The following CDC42EP3 variants were observed in gnomAD, a reference collection of about 807,000 sequenced individuals.
CDC42EP3 encodes the protein CDC42 effector protein 3.
Under a neutral mutation model 15.5 loss-of-function variants are expected in CDC42EP3, and 4 were observed. The observed-to-expected ratio is 0.26, with a 90% CI of 0.13 to 0.59. The LOEUF (loss-of-function observed/expected upper bound fraction) is 0.59, where lower values mean the gene tolerates loss of function less well. CDC42EP3 is among the 20% of genes least tolerant of loss of function. The pLI is 0.89. For synonymous variants in CDC42EP3, 145 were observed against 130.3 expected (o/e 1.11, Z -0.77); for missense variants, 309 against 311.2 (o/e 0.99, Z 0.05).
At chr2:37,670,310 G>C (rs146750319) in intron 1 of CDC42EP3, among the ~76,000 whole-genome samples, 1 of 152,186 alleles carries the variant, frequency 6.6e-6, no homozygotes, top group East Asian at 1.9e-4. Context: ...TGAGAATTAA[G>C]AGCTGGGAGA....
chr2:37,662,691 C>T (rs1007839451), intron 1 of CDC42EP3, among the ~76,000 whole-genome samples: 8 of 152,302 alleles, frequency 5.3e-5, no homozygotes, highest in South Asian at 2.1e-4. Flanking sequence ...AAACAAATCC[C>T]CATCACCAGC....
Position 37,664,519 on chromosome 2 carries a change from A to G in CDC42EP3, c.-236+6907T>C, listed in dbSNP as rs532080939. ...TAAACTCCCCTTTATATATACATCT[A>G]TCCTGTTAGTCTTGTCCCTCTAGAG... On this transcript the variant is annotated intron_variant, in intron 1 of 1. Transcript: ENST00000295324. Among the ~76,000 whole-genome samples the G allele has an allele frequency of 7.6e-4, 116 of 152,218 alleles. 2 individuals are homozygous for G. The South Asian group carries it at 0.024, about 31-fold the overall frequency.
At position 37,666,681 on chromosome 2, in the gene CDC42EP3, C is replaced by T. The variant is rs544274003; in HGVS notation, c.-236+4745G>A. ...GAAATAGTAATCTTTTAAATCTCAG[C>T]ATCATGCTTTGTATTATAAAACTGT... On this transcript the variant is annotated intron_variant, in intron 1 of 1. Transcript: ENST00000295324. Among the ~76,000 whole-genome samples the T allele has an allele frequency of 1.4e-4, 21 of 152,290 alleles. No individual in the cohort carries two copies. In the South Asian group the frequency reaches 2.5e-3, roughly 18 times the overall value.
intron 1 of CDC42EP3, among the ~76,000 whole-genome samples, chr2:37,649,664 C>T (rs1665603052): frequency 6.6e-6 from 1 of 151,870 alleles, no homozygotes; most frequent in African/African-American, 2.4e-5. Context: ...GGCTGGGCAC[C>T]CACCAGGGAG....
At chr2:37,656,747 A>G (rs1266127879) in intron 1 of CDC42EP3, among the ~76,000 whole-genome samples, 1 of 152,208 alleles carries the variant, frequency 6.6e-6, no homozygotes, top group Admixed American at 6.5e-5. Context: ...TGTATCTTGA[A>G]GTCTGACAGC....
intron 1 of CDC42EP3, among the ~76,000 whole-genome samples, chr2:37,649,020 C>CTGAT (rs1229160560): frequency 5.3e-5 from 8 of 151,144 alleles, no homozygotes; most frequent in South Asian, 2.1e-4. Context: ...CTGGGGTCAG[C>CTGAT]TGATGGAGGC....
At position 37,664,405 on chromosome 2, in the gene CDC42EP3, G is replaced by A. The variant is rs192450996; in HGVS notation, c.-236+7021C>T. ...TTGGCTTCCCTATTTTTGAGGTTTT[G>A]GGACTTGGACTAACTTCCTTGTTCC... is the stretch of plus-strand genomic sequence containing the variant. On this transcript the variant is annotated intron_variant, in intron 1 of 1. Transcript: ENST00000295324. Among the ~76,000 whole-genome samples, 557 of 152,288 alleles carry A rather than the reference G, an allele frequency of 3.7e-3. 2 individuals are homozygous for A. The highest frequency in any genetic ancestry group is 6.3e-3 in the Non-Finnish European group (428 of 68,018).
Position 37,664,680 on chromosome 2 carries a change from A to C in CDC42EP3, c.-236+6746T>G, listed in dbSNP as rs142076123. 1.5e-3 allele frequency among the ~76,000 whole-genome samples: 234 copies of C among 152,374 alleles called. 2 individuals are homozygous for C. Among genetic ancestry groups the C allele is most frequent in the African/African-American group, 5.5e-3 (229 of 41,592 alleles). On this transcript the variant is annotated intron_variant, in intron 1 of 1. Coordinates refer to ENST00000295324, the MANE Select transcript of CDC42EP3 (RefSeq NM_006449.5). ...TTGTCATTAAGTCCTACTGCAGCAA[A>C]GATGAATGACAAGATAAATGAGATT...
At chr2:37,655,478 A>G (rs1371180720) in intron 1 of CDC42EP3, among the ~76,000 whole-genome samples, 2 of 152,182 alleles carry the variant, frequency 1.3e-5, no homozygotes, top group East Asian at 3.8e-4. Flanking sequence ...TGCACTTTTG[A>G]ACAGAGGCCA....
At chr2:37,649,261 G>A (rs538238661) in intron 1 of CDC42EP3, among the ~76,000 whole-genome samples, 80 of 151,404 alleles carry the variant, frequency 5.3e-4, no homozygotes, top group African/African-American at 1.9e-3. Flanking sequence ...AACCAGCCTG[G>A]GCAACATAAT....
intron 1 of CDC42EP3, among the ~76,000 whole-genome samples, chr2:37,655,343 C>A (rs1444030695): frequency 2.0e-5 from 3 of 152,224 alleles, no homozygotes; most frequent in Admixed American, 2.0e-4. Flanking sequence ...TACAGACCCA[C>A]AAATACCATA....
rs1665343701 is a variant in CDC42EP3 at position 37,643,732 on chromosome 2, A to G, written c.*2091T>C. 6.6e-6 allele frequency: 1 copy of G among 151,502 alleles called. No individual in the cohort carries two copies. The allele number at this position is 151,502 out of a possible 1,614,324, so 9.4% of individuals were successfully genotyped here. A position where few individuals can be genotyped will look rare whatever the true frequency, so the allele number is the denominator to read the frequency against. On this transcript the variant is annotated 3_prime_UTR_variant, in exon 2 of 2. Transcript: ENST00000295324. The stretch of plus-strand genomic sequence containing the variant: ...TGAAAAGAGTCTAAAATTGGCTACA[A>G]ATAATGAGATACATTGGACTCTTCG...
intron 1 of CDC42EP3, among the ~76,000 whole-genome samples, chr2:37,651,648 G>C (rs1293951018): frequency 6.6e-6 from 1 of 152,232 alleles, no homozygotes; most frequent in Non-Finnish European, 1.5e-5. Flanking sequence ...TCTCAGAAGA[G>C]AAACATTTGT....
In CDC42EP3 at chr2:37,657,001, C is replaced by A. The variant is rs60695609; in HGVS notation, c.-235-10179G>T. Among the ~76,000 whole-genome samples, 4 of 103,278 alleles carry A rather than the reference C, an allele frequency of 3.9e-5. No individual in the cohort carries two copies. In the South Asian group the frequency reaches 1.6e-3, roughly 42 times the overall value. 67.8% of individuals were successfully genotyped at this position (103,278 alleles called of 152,430 possible). A position where few individuals can be genotyped will look rare whatever the true frequency, so the allele number is the denominator to read the frequency against. On this transcript the variant is annotated intron_variant, in intron 1 of 1. Coordinates refer to ENST00000295324, the MANE Select transcript of CDC42EP3 (RefSeq NM_006449.5). ...AAAGCCCCCCCCCCACCCCCCGCCC[C>A]CCGCCATCCTCGAGGAGAAAAACAA... is the stretch of plus-strand genomic sequence containing the variant.
At chr2:37,647,176 C>G (rs1665506738) in intron 1 of CDC42EP3, among the ~76,000 whole-genome samples, 1 of 152,158 alleles carries the variant, frequency 6.6e-6, no homozygotes, top group African/African-American at 2.4e-5. Flanking sequence ...TTTCCTTTTG[C>G]TTTGATGTGC....
At chr2:37,650,724 A>T (rs527963223) in intron 1 of CDC42EP3, among the ~76,000 whole-genome samples, 4 of 152,336 alleles carry the variant, frequency 2.6e-5, no homozygotes, top group African/African-American at 9.6e-5. Flanking sequence ...CTGCTCCCTA[A>T]TTATGAAAGG....
At chr2:37,647,133 CT>C (rs1462955533) in intron 1 of CDC42EP3, among the ~76,000 whole-genome samples, 1 of 152,210 alleles carries the variant, frequency 6.6e-6, no homozygotes, top group Middle Eastern at 3.2e-3. Context: ...ATTTCAGCTC[CT>C]TAAATACAAC....
At chr2:37,663,066 G>C (rs930611017) in intron 1 of CDC42EP3, among the ~76,000 whole-genome samples, 8 of 152,256 alleles carry the variant, frequency 5.3e-5, no homozygotes, top group Non-Finnish European at 7.3e-5. Flanking sequence ...TCATGAGGCT[G>C]AGGCAGGAGA....
Position 37,642,282 on chromosome 2 carries a change from G to C in CDC42EP3, c.*3541C>G, listed in dbSNP as rs974650315. The C allele has an allele frequency of 6.6e-6, 1 of 152,206 alleles. No individual in the cohort carries two copies. Among genetic ancestry groups the C allele is most frequent in the Admixed American group, 6.5e-5 (1 of 15,282 alleles). 9.4% of individuals were successfully genotyped at this position (152,206 alleles called of 1,614,324 possible). On this transcript the variant is annotated 3_prime_UTR_variant, in exon 2 of 2. Coordinates refer to ENST00000295324, the MANE Select transcript of CDC42EP3 (RefSeq NM_006449.5). ...TAGCCAGTACCAATAAGTTAACGTC[G>C]TGTGAATAATTTTGGGTATTCTGGC... is the stretch of plus-strand genomic sequence containing the variant.
Sources: allele counts gnomAD v4.1 joint callset (sites outside exome capture counted in the v4.1 genomes callset), GRCh38; gene constraint gnomAD v4.1.1; transcripts MANE v1.5; gene names NCBI Gene and HGNC (gene_info 2026-07-23, HGNC 2026-07-21).